Variants in ST7 observed in about 807,000 individuals in gnomAD.
The protein encoded by ST7 is suppressor of tumorigenicity 7 protein.
In ST7, 28 loss-of-function variants were observed where a neutral mutation model predicts 78.7. The observed-to-expected ratio is 0.36, with a 90% CI of 0.26 to 0.49. The LOEUF (loss-of-function observed/expected upper bound fraction) is 0.49. Among genes scored for constraint, ST7 ranks in the 20% least tolerant of loss-of-function variants. The pLI is 0.99. For missense variants in ST7, 418 were observed against 696.0 expected (o/e 0.60, Z 4.49); for synonymous variants, 247 against 249.6 (o/e 0.99, Z 0.10).
chr7:116,969,664 G>A (rs929205780), intron 1 of ST7, among the ~76,000 whole-genome samples: 3 of 152,198 alleles, frequency 2.0e-5, no homozygotes, highest in Non-Finnish European at 4.4e-5. Flanking sequence ...CCATCTAAAT[G>A]AGAACAAGTA....
chr7:117,016,467 T>C (rs1279119310), intron 1 of ST7, among the ~76,000 whole-genome samples: 2 of 150,306 alleles, frequency 1.3e-5, no homozygotes, highest in Non-Finnish European at 1.5e-5. Flanking sequence ...TTTCATTTTC[T>C]ATAGTTTGTA....
At chr7:117,063,700 C>A (rs994994833) in intron 1 of ST7, among the ~76,000 whole-genome samples, 1 of 152,126 alleles carries the variant, frequency 6.6e-6, no homozygotes, top group Non-Finnish European at 1.5e-5. Flanking sequence ...CATAGCAAGA[C>A]CCGGTCTCAA....
At chr7:117,009,102 C>T (rs1299133482) in intron 1 of ST7, among the ~76,000 whole-genome samples, 3 of 152,018 alleles carry the variant, frequency 2.0e-5, no homozygotes, top group Admixed American at 1.3e-4. Flanking sequence ...CTATTTGGCC[C>T]TTTATAAAAA....
chr7:117,035,676 A>G (rs745698130), intron 1 of ST7, among the ~76,000 whole-genome samples: 5 of 152,160 alleles, frequency 3.3e-5, no homozygotes, highest in Non-Finnish European at 7.4e-5. Flanking sequence ...GCAGGAGGAC[A>G]TTGGTTTTCA....
chr7:116,998,048 C>T (rs973330129), intron 1 of ST7, among the ~76,000 whole-genome samples: 47 of 152,288 alleles, frequency 3.1e-4, no homozygotes, highest in Admixed American at 3.3e-4. Context: ...GAGCGGGGCG[C>T]GGTGCTTGTC....
intron 10 of ST7, chr7:117,173,314 C>T (rs991751651): frequency 6.6e-6 from 1 of 152,190 alleles, no homozygotes; most frequent in African/African-American, 2.4e-5. Flanking sequence ...TGACCTAACA[C>T]CGACTGAATT....
chr7:116,957,122 G>T, intron 1 of ST7: 1 of 165,094 alleles, frequency 6.1e-6, no homozygotes, highest in Admixed American at 6.0e-5. Flanking sequence ...TTTGAATGCT[G>T]TTTTTGAGGT....
chr7:117,069,136 A>T (rs577154129), intron 1 of ST7, among the ~76,000 whole-genome samples: 1 of 152,338 alleles, frequency 6.6e-6, no homozygotes, highest in East Asian at 1.9e-4. Context: ...TTATCACTAT[A>T]TATTTTGTAT....
intron 12 of ST7, among the ~76,000 whole-genome samples, chr7:117,198,700 CA>C (rs143607954): frequency 0.029 from 4,474 of 152,188 alleles, 224 homozygotes; most frequent in African/African-American, 0.1. Flanking sequence ...TGCCCATACG[CA>C]GGCCCCTTCC....
At chr7:117,160,933 A>G (rs1486177684) in intron 9 of ST7, among the ~76,000 whole-genome samples, 3 of 152,154 alleles carry the variant, frequency 2.0e-5, no homozygotes, top group African/African-American at 4.8e-5. Flanking sequence ...CCTACTCTCT[A>G]AAACTCATGG....
chr7:117,030,825 C>G (rs1002097821), intron 1 of ST7, among the ~76,000 whole-genome samples: 3 of 152,110 alleles, frequency 2.0e-5, no homozygotes, highest in African/African-American at 7.2e-5. Flanking sequence ...ACCCAGCAAC[C>G]CCACTACTGG....
intron 9 of ST7, among the ~76,000 whole-genome samples, chr7:117,170,483 C>T (rs1003792446): frequency 6.6e-6 from 1 of 152,110 alleles, no homozygotes; most frequent in South Asian, 2.1e-4. Flanking sequence ...GAGATCAAGA[C>T]CATCCTGGCT....
intron 1 of ST7, among the ~76,000 whole-genome samples, chr7:117,068,614 T>G (rs1161522039): frequency 6.6e-6 from 1 of 152,262 alleles, no homozygotes; most frequent in Non-Finnish European, 1.5e-5. Context: ...TTTTAGTGAC[T>G]AAAACAGAGC....
chr7:117,148,756 G>A (rs1248512203), intron 9 of ST7, among the ~76,000 whole-genome samples: 1 of 152,264 alleles, frequency 6.6e-6, no homozygotes, highest in African/African-American at 2.4e-5. Flanking sequence ...ATGGTGCCCT[G>A]CTTCCCACCC....
intron 12 of ST7, among the ~76,000 whole-genome samples, chr7:117,196,718 A>G (rs1584571844): frequency 7.7e-6 from 1 of 130,304 alleles, no homozygotes; most frequent in African/African-American, 2.9e-5. Flanking sequence ...TATGATTTGC[A>G]GATATTTTCT....
At chr7:116,956,549 C>A (rs1480613791) in intron 1 of ST7, 4 of 471,210 alleles carry the variant, frequency 8.5e-6, no homozygotes, top group Non-Finnish European at 1.8e-5. Flanking sequence ...AAGCCAAAGA[C>A]ACCATCACAA....
Position 117,176,589 on chromosome 7 carries a change from C to A in ST7, c.1078+5613C>A, listed in dbSNP as rs148222548. Among the ~76,000 whole-genome samples the A allele has an allele frequency of 4.6e-4, 70 of 152,262 alleles. 1 individual carries two copies. The East Asian group carries it at 0.01, about 23-fold the overall frequency. On this transcript the variant is annotated intron_variant, in intron 10 of 15. Coordinates refer to ENST00000323984, the MANE Select transcript of ST7 (RefSeq NM_001369598.1). ...ATTTCCCAAGGCCTTATAACTAGCA[C>A]AAGTTATTCAGCTATCATCATAGTT...
intron 2 of ST7, among the ~76,000 whole-genome samples, chr7:117,119,158 A>T (rs1201955141): frequency 1.3e-5 from 2 of 152,032 alleles, no homozygotes; most frequent in East Asian, 3.8e-4. Context: ...TATGGTTTTT[A>T]TCAGAATATA....
At chr7:117,086,523 G>A (rs1317597190) in intron 1 of ST7, among the ~76,000 whole-genome samples, 2 of 152,006 alleles carry the variant, frequency 1.3e-5, no homozygotes, top group Non-Finnish European at 2.9e-5. Context: ...TGACCATTTT[G>A]GACACTATTT....
Sources: allele counts gnomAD v4.1 joint callset (sites outside exome capture counted in the v4.1 genomes callset), GRCh38; gene constraint gnomAD v4.1.1; transcripts MANE v1.5; gene names NCBI Gene and HGNC (gene_info 2026-07-23, HGNC 2026-07-21).